The following CRPPA variants were observed in gnomAD, a reference collection of about 807,000 sequenced individuals.
The protein encoded by CRPPA is D-ribitol-5-phosphate cytidylyltransferase.
A neutral mutation model predicts 52.0 loss-of-function variants in CRPPA; 43 were observed. The observed-to-expected ratio is 0.83, with a 90% CI of 0.65 to 1.07. The LOEUF is 1.07. CRPPA is among the 50% of genes least tolerant of loss of function. CRPPA has a pLI of 0.00. For missense variants in CRPPA, 629 were observed against 551.7 expected (o/e 1.14, Z -1.40); for synonymous variants, 250 against 203.5 (o/e 1.23, Z -1.94).
intron 3 of CRPPA, among the ~76,000 whole-genome samples, chr7:16,322,533 G>A (rs144064401): frequency 2.2e-4 from 33 of 152,272 alleles, no homozygotes; most frequent in East Asian, 3.9e-4. Context: ...AAAATCCTGA[G>A]GGTGTAGATG....
At chr7:16,360,605 G>T (rs1786417975) in intron 3 of CRPPA, among the ~76,000 whole-genome samples, 1 of 152,108 alleles carries the variant, frequency 6.6e-6, no homozygotes, top group African/African-American at 2.4e-5. Context: ...TTTGACAAGG[G>T]TGCCAAGACC....
intron 3 of CRPPA, among the ~76,000 whole-genome samples, chr7:16,309,749 C>G (rs1181448925): frequency 6.6e-6 from 1 of 152,012 alleles, no homozygotes; most frequent in Non-Finnish European, 1.5e-5. Context: ...ATCAAGCACC[C>G]CTTGCCAAAG....
chr7:16,315,088 G>A (rs1419087908), intron 3 of CRPPA, among the ~76,000 whole-genome samples: 1 of 151,880 alleles, frequency 6.6e-6, no homozygotes, highest in Non-Finnish European at 1.5e-5. Flanking sequence ...TTTCAGTTTT[G>A]CAAATTTCTA....
intron 2 of CRPPA, among the ~76,000 whole-genome samples, chr7:16,381,580 T>A (rs1028305572): frequency 9.2e-5 from 14 of 152,076 alleles, no homozygotes; most frequent in African/African-American, 3.1e-4. Context: ...TGTCTAATGT[T>A]GACAGTGGGG....
chr7:16,111,043 A>G (rs1284497784), intron 9 of CRPPA, among the ~76,000 whole-genome samples: 3 of 152,100 alleles, frequency 2.0e-5, no homozygotes, highest in Non-Finnish European at 2.9e-5. Flanking sequence ...AATATTTAAA[A>G]TATTTAAGTA....
chr7:16,151,129 G>A (rs2128378840), intron 9 of CRPPA, among the ~76,000 whole-genome samples: 1 of 152,266 alleles, frequency 6.6e-6, no homozygotes, highest in Non-Finnish European at 1.5e-5. Flanking sequence ...GGATTCACTG[G>A]TAGACTGATA....
intron 1 of CRPPA, among the ~76,000 whole-genome samples, chr7:16,409,515 G>T (rs1454262143): frequency 6.6e-6 from 1 of 152,174 alleles, no homozygotes; most frequent in African/African-American, 2.4e-5. Flanking sequence ...GGTCGCCTGG[G>T]TACCAGGTGG....
intron 9 of CRPPA, among the ~76,000 whole-genome samples, chr7:16,156,822 T>C (rs1428795645): frequency 6.6e-6 from 1 of 152,084 alleles, no homozygotes; most frequent in Non-Finnish European, 1.5e-5. Context: ...TGGAAAAGTA[T>C]TTGCATTAGT....
At chr7:16,288,874 C>CA (rs1784502777) in intron 5 of CRPPA, among the ~76,000 whole-genome samples, 1 of 122,230 alleles carries the variant, frequency 8.2e-6, no homozygotes, top group Non-Finnish European at 1.8e-5. Context: ...AAAAAATCCC[C>CA]AAAAACAAAA....
intron 6 of CRPPA, among the ~76,000 whole-genome samples, chr7:16,264,315 T>G (rs1783895310): frequency 6.6e-6 from 1 of 152,174 alleles, no homozygotes; most frequent in Non-Finnish European, 1.5e-5. Context: ...ATATTTTGGT[T>G]CAAAGGACAT....
chr7:16,212,026 T>C (rs1782160972), intron 9 of CRPPA, among the ~76,000 whole-genome samples: 1 of 152,218 alleles, frequency 6.6e-6, no homozygotes, highest in Admixed American at 6.5e-5. Context: ...GAGATTTTTA[T>C]AATAATTCTC....
intron 2 of CRPPA, among the ~76,000 whole-genome samples, chr7:16,398,858 C>T (rs1171131955): frequency 6.6e-6 from 1 of 152,124 alleles, no homozygotes; most frequent in Non-Finnish European, 1.5e-5. Context: ...ACGTAACTGG[C>T]ATGTGTCCAA....
At chr7:16,278,447 G>A (rs984826449) in intron 5 of CRPPA, among the ~76,000 whole-genome samples, 2 of 152,150 alleles carry the variant, frequency 1.3e-5, no homozygotes, top group African/African-American at 2.4e-5. Flanking sequence ...TGTGGGTGAA[G>A]AACCAGCCAT....
intron 9 of CRPPA, among the ~76,000 whole-genome samples, chr7:16,127,025 C>T (rs1388928959): frequency 6.6e-6 from 1 of 152,032 alleles, no homozygotes; most frequent in Admixed American, 6.6e-5. Flanking sequence ...TAATAATATG[C>T]AGACAATGTT....
intron 9 of CRPPA, among the ~76,000 whole-genome samples, chr7:16,146,676 G>A (rs376294328): frequency 5.3e-5 from 8 of 152,210 alleles, no homozygotes; most frequent in East Asian, 3.9e-4. Context: ...AATCCAAAGC[G>A]AAATGTTATC....
chr7:16,327,461 C>T (rs1450410299), intron 3 of CRPPA, among the ~76,000 whole-genome samples: 1 of 151,848 alleles, frequency 6.6e-6, no homozygotes, highest in Non-Finnish European at 1.5e-5. Flanking sequence ...GGCGCGGTGG[C>T]GGGCGCCTGT....
chr7:16,414,038 A>T (rs1788130782), intron 1 of CRPPA, among the ~76,000 whole-genome samples: 1 of 152,208 alleles, frequency 6.6e-6, no homozygotes, highest in South Asian at 2.1e-4. Context: ...AATCAGTGGA[A>T]CAGCACATTT....
intron 9 of CRPPA, among the ~76,000 whole-genome samples, chr7:16,130,542 G>A (rs1335306948): frequency 1.3e-5 from 2 of 151,946 alleles, no homozygotes; most frequent in Admixed American, 6.6e-5. Flanking sequence ...TTTCCAAAGG[G>A]CAAGAGTCAA....
chr7:16,200,886 G>A (rs1176837299), intron 9 of CRPPA, among the ~76,000 whole-genome samples: 5 of 152,124 alleles, frequency 3.3e-5, no homozygotes, highest in Admixed American at 6.6e-5. Flanking sequence ...AACTGTTCTT[G>A]CTTAACAGTC....
Sources: gnomAD v4.1 joint callset for allele counts (sites outside exome capture counted in the v4.1 genomes callset) on GRCh38, gnomAD v4.1.1 for gene constraint, MANE v1.5 for transcripts, NCBI Gene and HGNC (gene_info 2026-07-23, HGNC 2026-07-21) for gene names.